NCAN: variants seen among roughly 807,000 people sequenced by gnomAD.
NCAN encodes the protein neurocan core protein.
Under a neutral mutation model 121.8 loss-of-function variants are expected in NCAN, and 47 were observed. The observed-to-expected ratio is 0.39, with a 90% confidence interval of 0.31 to 0.49. NCAN has a LOEUF of 0.49. NCAN is among the 20% of genes least tolerant of loss of function. The probability of loss-of-function intolerance (pLI) is 0.92; values close to 1 mark genes in which losing one functional copy is unlikely to be tolerated. For synonymous variants in NCAN, 633 were observed against 702.0 expected (o/e 0.90, Z 1.55); for missense variants, 1,517 against 1,773.4 (o/e 0.86, Z 2.60).
chr19:19,228,832 C>G (rs754906534), intron 8 of NCAN, among the ~76,000 whole-genome samples, 193 bp downstream of exon 8: 6 of 152,194 alleles, frequency 3.9e-5, no homozygotes, highest in Non-Finnish European at 8.8e-5. Context: ...GGCAGAGGAA[C>G]GAGCACTGGC....
At position 19,249,656 on chromosome 19, in the gene NCAN, C is replaced by T. The variant is rs143310043; in HGVS notation, c.3821-110C>T. Reference sequence around the variant, plus strand: ...TGCTGGGATGACAGGGATGAGCCCTCGCGTCTGGCCTCTTTCCTCTACTTT... The same window carrying T: ...TGCTGGGATGACAGGGATGAGCCCTTGCGTCTGGCCTCTTTCCTCTACTTT... On this transcript the variant is annotated intron_variant, in intron 14 of 14. Transcript: ENST00000252575. 3.0e-3 allele frequency: 4,462 copies of T among 1,469,172 alleles called. 72 individuals are homozygous for T. The South Asian group carries it at 0.032, about 10-fold the overall frequency. 91.0% of individuals were successfully genotyped at this position (1,469,172 alleles called of 1,614,324 possible).
In NCAN at chr19:19,219,257, G is replaced by A. The variant is rs764369130; in HGVS notation, c.416G>A (p.Arg139His). ...PLRASDSGLY[R>H]CQVVRGIEDE... ...AGGGCCAGTGACTCTGGGCTGTACCGCTGCCAGGTGGTGAGGGGCATCGAG... is the reference window on the plus strand; with the variant it reads ...AGGGCCAGTGACTCTGGGCTGTACCACTGCCAGGTGGTGAGGGGCATCGAG... The change falls in exon 3 of 15, where the codon CGC becomes CAC. Residue 139 changes from arginine (R) to histidine (H), a missense_variant. By Grantham distance (29) the Arg-to-His change is conservative (BLOSUM62 0). Transcript: ENST00000252575. 3.8e-6 allele frequency: 6 copies of A among 1,597,566 alleles called. No homozygotes were observed. The highest frequency in any genetic ancestry group is 5.1e-6 in the Non-Finnish European group (6 of 1,176,220).
chr19:19,232,742 T>C (rs1184577023), intron 8 of NCAN: 2 of 152,204 alleles, frequency 1.3e-5, no homozygotes, highest in African/African-American at 4.8e-5. Flanking sequence ...TACTTTTATT[T>C]CACTTTAATT....
At chr19:19,244,045 A>G (rs1335650942) in intron 12 of NCAN, among the ~76,000 whole-genome samples, 1 of 152,022 alleles carries the variant, frequency 6.6e-6, no homozygotes, top group Non-Finnish European at 1.5e-5. Flanking sequence ...ACAAAACAAA[A>G]ATGGTTAAAA....
At chr19:19,229,247 T>C (rs981616506) in intron 8 of NCAN, among the ~76,000 whole-genome samples, 2 of 151,988 alleles carry the variant, frequency 1.3e-5, no homozygotes, top group Non-Finnish European at 2.9e-5. Flanking sequence ...TGGCGAGGCA[T>C]TGAGTAGAGT....
At chr19:19,231,875 G>T (rs1309394227) in intron 8 of NCAN, among the ~76,000 whole-genome samples, 1 of 151,938 alleles carries the variant, frequency 6.6e-6, no homozygotes, top group East Asian at 2.0e-4. Flanking sequence ...GCTACTCAGG[G>T]GTGCTGAGGT....
At position 19,245,363 on chromosome 19, in the gene NCAN, C is replaced by A; in HGVS notation, c.3543C>A (p.Gly1181=). The A allele has an allele frequency of 6.2e-7, 1 of 1,614,172 alleles. No homozygotes were observed. The highest frequency in any genetic ancestry group is 8.5e-7 in the Non-Finnish European group (1 of 1,180,024). ...ENQPDNFFAG[G]EDCVVMVAHE... is the part of the protein sequence containing the mutation. The stretch of plus-strand genomic sequence containing the variant: ...AGCCGGACAATTTCTTCGCGGGTGG[C>A]GAGGACTGTGTGGTGATGGTGGCGC... The change falls in exon 13 of 15, where the codon GGC becomes GGA. Residue 1181 remains glycine, a synonymous_variant. Coordinates refer to ENST00000252575, the MANE Select transcript of NCAN (RefSeq NM_004386.3).
chr19:19,249,480 A>G (rs1358352068), intron 14 of NCAN, among the ~76,000 whole-genome samples: 1 of 152,072 alleles, frequency 6.6e-6, no homozygotes, highest in Non-Finnish European at 1.5e-5. Context: ...GGATCCTCCA[A>G]ACTCAGCCTC....
At chr19:19,221,133 A>G (rs1008783296) in intron 3 of NCAN, among the ~76,000 whole-genome samples, 4 of 151,954 alleles carry the variant, frequency 2.6e-5, no homozygotes, top group Non-Finnish European at 4.4e-5. Context: ...TTAGCTACTC[A>G]GGAGGCTGAG....
At chr19:19,221,780 G>A (rs1485175043) in intron 3 of NCAN, among the ~76,000 whole-genome samples, 3 of 151,366 alleles carry the variant, frequency 2.0e-5, no homozygotes, top group African/African-American at 7.3e-5. Context: ...GTCTCAGCTT[G>A]TCAGGAGGCT....
chr19:19,233,654 C>A, intron 8 of NCAN, 135 bp from the exon 9 acceptor site: 1 of 624,362 alleles, frequency 1.6e-6, no homozygotes, highest in Non-Finnish European at 2.9e-6. Context: ...TTGGTGACCG[C>A]TGGTTGGGGA....
intron 8 of NCAN, among the ~76,000 whole-genome samples, 171 bp from the exon 9 acceptor site, chr19:19,233,618 C>T (rs540324366): frequency 4.6e-5 from 7 of 152,216 alleles, no homozygotes; most frequent in African/African-American, 1.7e-4. Context: ...GTAAACTCCT[C>T]GTAACAGGGG....
chr19:19,217,487 A>G (rs1363398671), intron 2 of NCAN, among the ~76,000 whole-genome samples: 1 of 152,148 alleles, frequency 6.6e-6, no homozygotes. Context: ...AGACATTGCT[A>G]CTCTGCAGAT....
chr19:19,245,364 G>A lies in NCAN; in HGVS notation c.3544G>A (p.Glu1182Lys), dbSNP rs185187775. 1,183 of 1,614,222 alleles carry A rather than the reference G, an allele frequency of 7.3e-4. 18 individuals carry two copies. The highest frequency in any genetic ancestry group is 1.7e-4 in the Middle Eastern group (1 of 6,060). Residue 1182 changes from glutamate to lysine, a missense_variant, in exon 13 of 15, where the codon GAG (glutamate) becomes AAG (lysine). Physicochemically the swap from Glu to Lys is moderately conservative, Grantham distance 56 (BLOSUM62 1). Coordinates refer to ENST00000252575, the MANE Select transcript of NCAN (RefSeq NM_004386.3). ...GCCGGACAATTTCTTCGCGGGTGGC[G>A]AGGACTGTGTGGTGATGGTGGCGCA... ...NQPDNFFAGG[E>K]DCVVMVAHES...
intron 5 of NCAN, 66 bp downstream of exon 5, chr19:19,224,499 C>T (rs1274768343): frequency 1.9e-6 from 3 of 1,562,236 alleles, no homozygotes; most frequent in Non-Finnish European, 2.6e-6. Context: ...TTCTCCCCAA[C>T]TCCCATCCTC....
In NCAN at chr19:19,227,841, A is replaced by C; in HGVS notation, c.2221A>C (p.Thr741Pro). 1 of 1,613,570 alleles carries C rather than the reference A, an allele frequency of 6.2e-7. No individual in the cohort carries two copies. Among genetic ancestry groups the C allele is most frequent in the Non-Finnish European group, 8.5e-7 (1 of 1,179,974 alleles). ...GAATGTGGCTGTAGGTTTTGTCCCC[A>C]CTGAGACTGCCACTGAGCCAACGGG... ...NRNVAVGFVP[T>P]ETATEPTGLR... The change falls in exon 8 of 15, where the codon ACT becomes CCT. Residue 741 changes from threonine (T) to proline (P), a missense_variant. Transcript: ENST00000252575. This position sits in a 1 kb window ranked among gnomAD's most constrained non-coding sequence, Gnocchi z 4.2.
chr19:19,249,823 A>G lies in NCAN; in HGVS notation c.3878A>G (p.His1293Arg). ...CACCACCACCAACACCACCACCAGC[A>G]TCACCACCACAAATCCCGCAAGGAG... is the stretch of plus-strand genomic sequence containing the variant. ...HHHHHQHHHQ[H>R]HHHKSRKERR... is the part of the protein sequence containing the mutation. Residue 1293 changes from histidine (H) to arginine (R), a missense_variant, in exon 15 of 15, where the codon CAT (histidine) becomes CGT (arginine). By Grantham distance (29) the His-to-Arg change is conservative. Coordinates refer to ENST00000252575, the MANE Select transcript of NCAN (RefSeq NM_004386.3). The G allele has an allele frequency of 1.2e-6, 2 of 1,613,710 alleles. No homozygotes were observed. The highest frequency in any genetic ancestry group is 1.3e-5 in the African/African-American group (1 of 74,962).
At chr19:19,240,526 C>T in intron 11 of NCAN, 77 bp from the exon 12 acceptor site, 1 of 1,424,664 alleles carries the variant, frequency 7.0e-7, no homozygotes, top group South Asian at 1.1e-5. Flanking sequence ...CACCCTACCC[C>T]ACCTCACCTG....
At chr19:19,243,178 A>G (rs2060910068) in intron 12 of NCAN, among the ~76,000 whole-genome samples, 1 of 151,908 alleles carries the variant, frequency 6.6e-6, no homozygotes, top group Non-Finnish European at 1.5e-5. Flanking sequence ...AGGGGGAGTC[A>G]CTAGTGCTCA....
Sources: gnomAD v4.1 joint callset for allele counts (sites outside exome capture counted in the v4.1 genomes callset) on GRCh38, gnomAD v4.1.1 for gene constraint, Gnocchi (gnomAD v3.1) non-coding constraint, MANE v1.5 for transcripts, NCBI Gene and HGNC (gene_info 2026-07-23, HGNC 2026-07-21) for gene names.